EP300: variants seen among roughly 807,000 people sequenced by gnomAD.
EP300 encodes the protein EP300 lysine acetyltransferase.
EP300 carries 31 observed loss-of-function variants against 264.0 expected under a neutral mutation model. The observed-to-expected ratio is 0.12, with a 90% CI of 0.09 to 0.16. The LOEUF (loss-of-function observed/expected upper bound fraction) is 0.16. EP300 is among the 10% of genes least tolerant of loss of function. The pLI is 1.00. For synonymous variants in EP300, 1,340 were observed against 1,045.4 expected (o/e 1.28, Z -5.44); for missense variants, 2,766 against 3,052.9 (o/e 0.91, Z 2.21).
intron 1 of EP300, among the ~76,000 whole-genome samples, chr22:41,093,756 CT>C (rs2058687457): frequency 6.6e-6 from 1 of 152,150 alleles, no homozygotes; most frequent in Admixed American, 6.5e-5. Context: ...ACCAAAATGT[CT>C]GAAACTCTGG....
chr22:41,104,366 T>TGCAACCTCTGCCTCCCC (rs2058746912), intron 1 of EP300, among the ~76,000 whole-genome samples: 1 of 152,022 alleles, frequency 6.6e-6, no homozygotes, highest in South Asian at 2.1e-4. Context: ...CTTGGCTCAC[T>TGCAACCTCTGCCTCCCC]GCAACCTCTG....
chr22:41,131,004 AG>A (rs1051317458), intron 5 of EP300, among the ~76,000 whole-genome samples: 1 of 152,196 alleles, frequency 6.6e-6, no homozygotes, highest in Non-Finnish European at 1.5e-5. Flanking sequence ...GGGAGGAGAG[AG>A]GGGAACTCCC....
At chr22:41,164,488 G>T (rs2059124358) in intron 22 of EP300, among the ~76,000 whole-genome samples, 1 of 152,182 alleles carries the variant, frequency 6.6e-6, no homozygotes, top group Non-Finnish European at 1.5e-5. Flanking sequence ...GAGGCGGGCG[G>T]ATCACCTGAG....
At chr22:41,123,028 C>A (rs944963267) in intron 2 of EP300, among the ~76,000 whole-genome samples, 1 of 151,988 alleles carries the variant, frequency 6.6e-6, no homozygotes, top group Non-Finnish European at 1.5e-5. Flanking sequence ...AGAGTGAGAC[C>A]CTGTCTTTTT....
chr22:41,160,782 A>T, intron 20 of EP300, 60 bp downstream of exon 20: 1 of 1,463,018 alleles, frequency 6.8e-7, no homozygotes, highest in Non-Finnish European at 9.6e-7. Context: ...GATTATGCAC[A>T]GCTTATTTCT....
intron 23 of EP300, among the ~76,000 whole-genome samples, chr22:41,167,224 T>A (rs2059139573): frequency 1.3e-5 from 2 of 152,194 alleles, no homozygotes; most frequent in Non-Finnish European, 1.5e-5. Context: ...CTCAAACTCC[T>A]GATCACAGGT....
chr22:41,130,659 A>G (rs955232767), intron 5 of EP300, among the ~76,000 whole-genome samples: 1 of 152,228 alleles, frequency 6.6e-6, no homozygotes, highest in Non-Finnish European at 1.5e-5. Context: ...TCTGCTTTGA[A>G]CCTATGAAAA....
rs116913445 is a variant in EP300 at position 41,092,872 on chromosome 22, A to G, written c.-133A>G. On this transcript the variant is annotated 5_prime_UTR_variant, in exon 1 of 31. Transcript: ENST00000263253. ...TGCGACCCGGCGAAGAGAAAAAGGA[A>G]CTTCCCCCACCCCCTCGGGTGCCGT... 8.3e-4 allele frequency: 782 copies of G among 945,184 alleles called. 15 individuals carry two copies. The East Asian group carries it at 0.018, about 21-fold the overall frequency. 58.5% of individuals were successfully genotyped at this position (945,184 alleles called of 1,614,324 possible).
intron 8 of EP300, 75 bp downstream of exon 8, chr22:41,137,865 A>G (rs1475921636): frequency 3.1e-6 from 5 of 1,602,156 alleles, no homozygotes; most frequent in Non-Finnish European, 2.6e-6. Flanking sequence ...CTGGGCATTT[A>G]ATTACTAAAG....
chr22:41,095,242 T>C (rs2058695833), intron 1 of EP300, among the ~76,000 whole-genome samples: 2 of 140,326 alleles, frequency 1.4e-5, no homozygotes, highest in Admixed American at 7.3e-5. Context: ...ATTTTTTTTT[T>C]TTTTTTTTTT....
chr22:41,116,017 TTGTG>T (rs990000976), intron 1 of EP300, among the ~76,000 whole-genome samples: 1 of 152,222 alleles, frequency 6.6e-6, no homozygotes. Context: ...TGAGTTTAGT[TTGTG>T]TGTAGATATT....
chr22:41,142,467 C>T (rs1311254113), intron 10 of EP300, among the ~76,000 whole-genome samples: 1 of 151,796 alleles, frequency 6.6e-6, no homozygotes, highest in Non-Finnish European at 1.5e-5. Flanking sequence ...GGAGGCTGCC[C>T]AATAGTAAGG....
chr22:41,155,149 A>T, intron 17 of EP300, 36 bp downstream of exon 17: 2 of 1,396,388 alleles, frequency 1.4e-6, no homozygotes, highest in Non-Finnish European at 2.0e-6. Context: ...TTTATTTTTT[A>T]ATTTGATAAC....
intron 10 of EP300, among the ~76,000 whole-genome samples, chr22:41,144,436 C>A (rs996304891): frequency 6.6e-6 from 1 of 151,666 alleles, no homozygotes; most frequent in Non-Finnish European, 1.5e-5. Context: ...ACTGCATCCT[C>A]CATGCCTCCC....
intron 28 of EP300, 23 bp from the exon 29 acceptor site, chr22:41,173,600 G>T (rs369932910): frequency 6.2e-7 from 1 of 1,613,390 alleles, no homozygotes; most frequent in Non-Finnish European, 8.5e-7. Flanking sequence ...TTATTTTCTT[G>T]TCTCCTTTGT....
rs2058919282 is a variant in EP300 at position 41,131,491 on chromosome 22, C to T, written c.1386C>T (p.Ser462=). ...NLSTVSQIDP[S]SIERAYAALG... ...GCACTGTTAGTCAGATTGATCCCAG[C>T]TCCATAGAAAGAGCCTATGCAGCTC... The change falls in exon 6 of 31, where the codon AGC becomes AGT. Residue 462 remains serine (S), a synonymous_variant. Coordinates refer to ENST00000263253, the MANE Select transcript of EP300 (RefSeq NM_001429.4). The T allele has an allele frequency of 6.2e-7, 1 of 1,613,974 alleles. No individual in the cohort carries two copies. Among genetic ancestry groups the T allele is most frequent in the South Asian group, 1.1e-5 (1 of 91,086 alleles).
chr22:41,125,700 A>T (rs78853859), intron 2 of EP300, among the ~76,000 whole-genome samples, 164 bp from the exon 3 acceptor site: 1 of 152,222 alleles, frequency 6.6e-6, no homozygotes, highest in Non-Finnish European at 1.5e-5. Flanking sequence ...TTTTTAGTAG[A>T]GATGGGGTTT....
In EP300 at chr22:41,127,652, A is replaced by G. The variant is rs754384744; in HGVS notation, c.1072A>G (p.Asn358Asp). Residue 358 changes from asparagine to aspartate, a missense_variant, in exon 4 of 31, where the codon AAT (asparagine) becomes GAT (aspartate). Physicochemically the swap from Asn to Asp is conservative, Grantham distance 23 (BLOSUM62 1). Transcript: ENST00000263253. ...AHKCQRREQANGEVRQCNLPH... is the reference protein window; with the variant it reads ...AHKCQRREQADGEVRQCNLPH... ...CAAGTGCCAGCGCCGGGAACAGGCC[A>G]ATGGGGAAGTGAGGCAGTGCAACCT... 6.2e-7 allele frequency: 1 copy of G among 1,614,204 alleles called. No homozygotes were observed. The highest frequency in any genetic ancestry group is 8.5e-7 in the Non-Finnish European group (1 of 1,180,044).
At chr22:41,134,681 C>G (rs953023960) in intron 6 of EP300, among the ~76,000 whole-genome samples, 10 of 152,170 alleles carry the variant, frequency 6.6e-5, no homozygotes, top group African/African-American at 2.4e-4. Context: ...TCGTTACTTC[C>G]ATGACAACCA....
Sources: gnomAD v4.1 joint callset for allele counts (sites outside exome capture counted in the v4.1 genomes callset) on GRCh38, gnomAD v4.1.1 for gene constraint, MANE v1.5 for transcripts, NCBI Gene and HGNC (gene_info 2026-07-23, HGNC 2026-07-21) for gene names.